MCC: variants seen among roughly 807,000 people sequenced by gnomAD.
MCC encodes the protein colorectal mutant cancer protein.
In MCC, 90 loss-of-function variants were observed where a neutral mutation model predicts 116.2. That is an observed-to-expected ratio of 0.77 (90% confidence interval 0.65 to 0.92). MCC has a LOEUF of 0.92. MCC is among the 40% of genes least tolerant of loss of function. The probability of loss-of-function intolerance (pLI) is 0.00; values close to 1 mark genes in which losing one functional copy is unlikely to be tolerated. For missense variants in MCC, 1,516 were observed against 1,312.2 expected (o/e 1.16, Z -2.40); for synonymous variants, 578 against 510.5 (o/e 1.13, Z -1.78).
intron 1 of MCC, among the ~76,000 whole-genome samples, chr5:113,428,225 A>G (rs1770533006): frequency 6.6e-6 from 1 of 152,148 alleles, no homozygotes; most frequent in Non-Finnish European, 1.5e-5. Flanking sequence ...ACCACAAGAA[A>G]AACAAATGAA....
intron 3 of MCC, among the ~76,000 whole-genome samples, chr5:113,292,235 AAAAT>A (rs769324934): frequency 2.0e-5 from 3 of 152,136 alleles, no homozygotes; most frequent in African/African-American, 7.2e-5. Flanking sequence ...CTGTCTCCAA[AAAAT>A]AAATAAATAA....
chr5:113,407,502 A>G (rs977691754), intron 1 of MCC, among the ~76,000 whole-genome samples: 1 of 152,184 alleles, frequency 6.6e-6, no homozygotes, highest in African/African-American at 2.4e-5. Context: ...GCAAGTGGTG[A>G]GCCAGTGTCT....
chr5:113,083,225 G>T (rs891158537), intron 10 of MCC, among the ~76,000 whole-genome samples: 2 of 151,838 alleles, frequency 1.3e-5, no homozygotes, highest in Non-Finnish European at 2.9e-5. Context: ...ATCAAAATAT[G>T]GCTCCTTCCC....
intron 5 of MCC, among the ~76,000 whole-genome samples, chr5:113,128,800 C>A (rs534186113): frequency 1.4e-4 from 21 of 152,304 alleles, no homozygotes; most frequent in African/African-American, 5.1e-4. Context: ...ACTTTTTAGA[C>A]TGTAAATTAA....
At chr5:113,222,802 G>A (rs1763599370) in intron 3 of MCC, among the ~76,000 whole-genome samples, 1 of 152,166 alleles carries the variant, frequency 6.6e-6, no homozygotes, top group African/African-American at 2.4e-5. Flanking sequence ...CTATCCTCAA[G>A]GGGACCACTG....
At chr5:113,048,726 AC>A in intron 16 of MCC, 1 of 385,696 alleles carries the variant, frequency 2.6e-6, no homozygotes, top group Non-Finnish European at 4.6e-6. Context: ...GGATCATATC[AC>A]CTGTGGATAA....
At chr5:113,104,521 C>T (rs941576894) in intron 6 of MCC, 166 bp from the exon 7 acceptor site, 5 of 491,444 alleles carry the variant, frequency 1.0e-5, no homozygotes, top group Admixed American at 7.5e-5. Flanking sequence ...AGACTTGGAG[C>T]CAATGCAAAG....
intron 15 of MCC, among the ~76,000 whole-genome samples, chr5:113,050,281 C>T (rs1752401554): frequency 6.6e-6 from 1 of 152,180 alleles, no homozygotes; most frequent in Admixed American, 6.5e-5. Context: ...TGACTCTTGT[C>T]CCCGCACTTC....
Position 113,071,231 on chromosome 5 carries a change from C to A in MCC, c.1788G>T (p.Arg596=), listed in dbSNP as rs62373350. 12,407 of 1,613,516 alleles carry A rather than the reference C, an allele frequency of 7.7e-3. 53 individuals are homozygous for A. The highest frequency in any genetic ancestry group is 8.9e-3 in the Non-Finnish European group (10,556 of 1,179,818). Residue 596 remains arginine (R), a synonymous_variant, in exon 12 of 19, where the codon CGG becomes CGT. Transcript: ENST00000408903. ...CATTTTGGGATTTGAGGTGCTCAATCCGGCTACAAAGGAACAAAAATCAGA... is the reference window on the plus strand; with the variant it reads ...CATTTTGGGATTTGAGGTGCTCAATACGGCTACAAAGGAACAAAAATCAGA... ...FEVETERLNS[R]IEHLKSQNDL... is the part of the protein sequence containing the mutation.
At chr5:113,361,304 T>C (rs1345445849) in intron 2 of MCC, among the ~76,000 whole-genome samples, 1 of 152,102 alleles carries the variant, frequency 6.6e-6, no homozygotes, top group African/African-American at 2.4e-5. Flanking sequence ...CTATAGTGCT[T>C]TTCTATTTTA....
chr5:113,349,453 C>A (rs1221422161), intron 2 of MCC, among the ~76,000 whole-genome samples: 1 of 152,010 alleles, frequency 6.6e-6, no homozygotes, highest in Non-Finnish European at 1.5e-5. Context: ...ACCATATGAT[C>A]ACTTCAATTG....
intron 1 of MCC, among the ~76,000 whole-genome samples, chr5:113,442,835 T>G (rs1281748882): frequency 6.6e-6 from 1 of 152,220 alleles, no homozygotes; most frequent in African/African-American, 2.4e-5. Context: ...TTCTGAGGCC[T>G]CTGTTCTGTT....
chr5:113,323,744 G>C (rs1767481166), intron 3 of MCC, among the ~76,000 whole-genome samples: 1 of 152,176 alleles, frequency 6.6e-6, no homozygotes. Flanking sequence ...ACGTGGGCCT[G>C]GAGCAGTAAT....
chr5:113,460,972 T>G (rs1187519885), intron 1 of MCC, among the ~76,000 whole-genome samples: 3 of 152,260 alleles, frequency 2.0e-5, no homozygotes, highest in Admixed American at 6.5e-5. Context: ...ATAGTTGCAT[T>G]AATTACTATA....
At chr5:113,228,052 G>A (rs1763810885) in intron 3 of MCC, among the ~76,000 whole-genome samples, 1 of 152,182 alleles carries the variant, frequency 6.6e-6, no homozygotes, top group South Asian at 2.1e-4. Flanking sequence ...ATGAGCCTGG[G>A]CTCAATTAAA....
chr5:113,472,176 C>G (rs1044401477), intron 1 of MCC, among the ~76,000 whole-genome samples: 1 of 152,148 alleles, frequency 6.6e-6, no homozygotes, highest in African/African-American at 2.4e-5. Context: ...TGTCCTGCAC[C>G]TACTGTCTGG....
intron 3 of MCC, among the ~76,000 whole-genome samples, chr5:113,268,719 T>G (rs995343751): frequency 1.3e-5 from 2 of 152,188 alleles, no homozygotes; most frequent in Admixed American, 1.3e-4. Flanking sequence ...ACAAAAATTT[T>G]TTTAGTTTGG....
At chr5:113,419,889 G>T (rs370852546) in intron 1 of MCC, among the ~76,000 whole-genome samples, 1 of 110,870 alleles carries the variant, frequency 9.0e-6, no homozygotes, top group Admixed American at 1.1e-4. Flanking sequence ...GGGGAGGGGG[G>T]AGGGATAGCA....
intron 14 of MCC, among the ~76,000 whole-genome samples, chr5:113,063,379 G>A (rs930679588): frequency 1.3e-5 from 2 of 152,192 alleles, no homozygotes; most frequent in African/African-American, 4.8e-5. Context: ...CCTTTTTCAA[G>A]CACCCACTTT....
Sources: allele counts gnomAD v4.1 joint callset (sites outside exome capture counted in the v4.1 genomes callset), GRCh38; gene constraint gnomAD v4.1.1; transcripts MANE v1.5; gene names NCBI Gene and HGNC (gene_info 2026-07-23, HGNC 2026-07-21).